Variants in MEF2A observed in about 807,000 individuals in gnomAD.
MEF2A encodes myocyte enhancer factor 2A, also known as myocyte-specific enhancer factor 2A.
Under a neutral mutation model 55.8 loss-of-function variants are expected in MEF2A, and 28 were observed. The observed-to-expected ratio is 0.50, with a 90% CI of 0.37 to 0.69. The LOEUF (loss-of-function observed/expected upper bound fraction) is 0.69, where lower values mean the gene tolerates loss of function less well. Among genes scored for constraint, MEF2A ranks in the 30% least tolerant of loss-of-function variants. The pLI is 0.00. For missense variants in MEF2A, 528 were observed against 626.2 expected (o/e 0.84, Z 1.67); for synonymous variants, 239 against 227.1 (o/e 1.05, Z -0.47).
At chr15:99,699,415 AG>A (rs2057028139) in intron 8 of MEF2A, among the ~76,000 whole-genome samples, 1 of 152,174 alleles carries the variant, frequency 6.6e-6, no homozygotes, top group Non-Finnish European at 1.5e-5. Context: ...TTGACTATAA[AG>A]GGTTAATAGG....
intron 1 of MEF2A, among the ~76,000 whole-genome samples, chr15:99,566,812 G>T (rs1299285229): frequency 7.0e-6 from 1 of 142,318 alleles, no homozygotes; most frequent in Non-Finnish European, 1.6e-5. Flanking sequence ...CGGTGTTTGG[G>T]GCGGACACCT....
chr15:99,684,619 G>A (rs902646331), intron 7 of MEF2A, among the ~76,000 whole-genome samples: 2 of 152,182 alleles, frequency 1.3e-5, no homozygotes, highest in African/African-American at 4.8e-5. Flanking sequence ...TTTGTCAGAT[G>A]CATAGTTTGC....
At chr15:99,668,769 C>T (rs893541153) in intron 4 of MEF2A, among the ~76,000 whole-genome samples, 12 of 152,170 alleles carry the variant, frequency 7.9e-5, no homozygotes, top group Non-Finnish European at 1.3e-4. Context: ...TAATAGATTA[C>T]GGCATTCCAC....
intron 4 of MEF2A, among the ~76,000 whole-genome samples, chr15:99,663,860 A>G (rs1355130770): frequency 6.6e-6 from 1 of 151,966 alleles, no homozygotes; most frequent in Non-Finnish European, 1.5e-5. Context: ...TTCCATCTCT[A>G]GTTTCACCAA....
chr15:99,572,132 A>G (rs1043019550), intron 1 of MEF2A, among the ~76,000 whole-genome samples: 4 of 151,540 alleles, frequency 2.6e-5, no homozygotes, highest in African/African-American at 9.7e-5. Context: ...TCTCAAAATC[A>G]AGTCCTCCAT....
Position 99,594,127 on chromosome 15 carries a change from C to T in MEF2A, c.-224-4303C>T, listed in dbSNP as rs77927693. On this transcript the variant is annotated intron_variant, in intron 1 of 11. Transcript: ENST00000557942. ...ATATCCTACAGGTTGAGGGCTCAGCCTGACAAGACTGACCCACTTCAGATG... is the reference window on the plus strand; with the variant it reads ...ATATCCTACAGGTTGAGGGCTCAGCTTGACAAGACTGACCCACTTCAGATG... 2.0e-5 allele frequency among the ~76,000 whole-genome samples: 3 copies of T among 152,268 alleles called. 1 individual carries two copies. The South Asian group carries it at 6.2e-4, about 32-fold the overall frequency.
At chr15:99,700,793 A>G (rs2057302394) in intron 8 of MEF2A, among the ~76,000 whole-genome samples, 1 of 152,216 alleles carries the variant, frequency 6.6e-6, no homozygotes, top group Admixed American at 6.5e-5. Flanking sequence ...GGCCTTTCAA[A>G]AGAGTTTCCA....
chr15:99,588,720 G>A (rs1343981349), intron 1 of MEF2A, among the ~76,000 whole-genome samples: 5 of 151,904 alleles, frequency 3.3e-5, no homozygotes, highest in Non-Finnish European at 7.4e-5. Context: ...TGGAGTTATA[G>A]CCGTGAGCCA....
intron 10 of MEF2A, among the ~76,000 whole-genome samples, chr15:99,707,094 C>A (rs567100159): frequency 3.7e-4 from 57 of 152,226 alleles, no homozygotes; most frequent in African/African-American, 1.3e-3. Flanking sequence ...TTCACTTAAC[C>A]CCTGACACAA....
intron 4 of MEF2A, among the ~76,000 whole-genome samples, chr15:99,665,731 C>CAAAAAAAAAAAAAAAA (rs752473261): frequency 3.0e-4 from 6 of 20,256 alleles, no homozygotes; most frequent in East Asian, 1.1e-3. Flanking sequence ...CTTAAATTTA[C>CAAAAAAAAAAAAAAAA]AAAAAAAAAA....
At position 99,712,524 on chromosome 15, in the gene MEF2A, A is replaced by C. The variant is rs757465493; in HGVS notation, c.1271A>C (p.Gln424Pro). ...GGCTTCCAGCAGCAGCAGCAGCAGC[A>C]GCAGCAGCAGCAGCCGCCGCCACCA... ...PSGFQQQQQQ[Q>P]QQQQPPPPPQ... is the part of the protein sequence containing the mutation. The change falls in exon 12 of 12, where the codon CAG becomes CCG. Residue 424 changes from glutamine (Q) to proline (P), a missense_variant. Coordinates refer to ENST00000557942, the MANE Select transcript of MEF2A (RefSeq NM_001319206.4). This position sits in a 1 kb window ranked among gnomAD's most constrained non-coding sequence, Gnocchi z 4.1. The C allele has an allele frequency of 6.5e-7, 1 of 1,544,134 alleles. No individual in the cohort carries two copies. Among genetic ancestry groups the C allele is most frequent in the Non-Finnish European group, 8.7e-7 (1 of 1,144,470 alleles).
intron 7 of MEF2A, among the ~76,000 whole-genome samples, chr15:99,675,892 T>G (rs1014978324): frequency 9.2e-5 from 14 of 152,046 alleles, no homozygotes; most frequent in African/African-American, 3.4e-4. Context: ...CAAAAAAATT[T>G]AGCTGGGCGT....
intron 4 of MEF2A, among the ~76,000 whole-genome samples, chr15:99,649,206 G>A (rs896304973): frequency 6.6e-6 from 1 of 151,984 alleles, no homozygotes; most frequent in Non-Finnish European, 1.5e-5. Context: ...ATTAAGGTCT[G>A]CAGTGTCTTG....
intron 6 of MEF2A, among the ~76,000 whole-genome samples, chr15:99,675,141 C>G (rs186899324): frequency 1.3e-5 from 2 of 152,242 alleles, no homozygotes; most frequent in East Asian, 3.9e-4. Context: ...TCAGTATGTA[C>G]TATTTTGGTA....
chr15:99,613,366 A>T (rs1465914033), intron 2 of MEF2A, among the ~76,000 whole-genome samples: 1 of 152,084 alleles, frequency 6.6e-6, no homozygotes, highest in Non-Finnish European at 1.5e-5. Flanking sequence ...TGAACTATCT[A>T]GTTATTATTG....
At position 99,674,385 on chromosome 15, in the gene MEF2A, A is replaced by C. The variant is rs781586739; in HGVS notation, c.391-8A>C. ...AACAGTTTTTTCCTTCTTTTTCTTTATTTACAGCCTGGTCTGCCACCTCAG... is the reference window on the plus strand; with the variant it reads ...AACAGTTTTTTCCTTCTTTTTCTTTCTTTACAGCCTGGTCTGCCACCTCAG... On this transcript the variant is annotated splice_polypyrimidine_tract_variant and splice_region_variant and intron_variant, in intron 5 of 11. Transcript: ENST00000557942. 2 of 1,584,958 alleles carry C rather than the reference A, an allele frequency of 1.3e-6. No homozygotes were observed. Among genetic ancestry groups the C allele is most frequent in the Non-Finnish European group, 1.7e-6 (2 of 1,162,542 alleles).
intron 4 of MEF2A, among the ~76,000 whole-genome samples, chr15:99,653,055 T>C (rs1387610120): frequency 6.6e-6 from 1 of 152,178 alleles, no homozygotes; most frequent in Non-Finnish European, 1.5e-5. Context: ...TCATCAGATA[T>C]TAATCATTAA....
chr15:99,650,474 G>A (rs1270022880), intron 4 of MEF2A, among the ~76,000 whole-genome samples: 1 of 152,192 alleles, frequency 6.6e-6, no homozygotes, highest in East Asian at 1.9e-4. Context: ...ACATGGTCTA[G>A]TAAAGACTTC....
intron 2 of MEF2A, among the ~76,000 whole-genome samples, chr15:99,606,880 G>A (rs928373091): frequency 6.6e-6 from 1 of 152,124 alleles, no homozygotes; most frequent in Non-Finnish European, 1.5e-5. Flanking sequence ...GTTAAAGAAC[G>A]TTGGTAGCTG....
Sources: allele counts gnomAD v4.1 joint callset (sites outside exome capture counted in the v4.1 genomes callset), GRCh38; gene constraint gnomAD v4.1.1; non-coding constraint Gnocchi (gnomAD v3.1); transcripts MANE v1.5; gene names NCBI Gene and HGNC (gene_info 2026-07-23, HGNC 2026-07-21).